The following GLP1R variants were observed in gnomAD, a reference collection of about 807,000 sequenced individuals.
The protein encoded by GLP1R is glucagon like peptide 1 receptor.
GLP1R carries 32 observed loss-of-function variants against 68.4 expected under a neutral mutation model. The ratio of observed to expected loss-of-function variants is 0.47; its 90% CI spans 0.35 to 0.63. The LOEUF is 0.63. Ranked by LOEUF, GLP1R falls within the 20% of genes least tolerant of loss-of-function variation. GLP1R has a pLI of 0.00. For synonymous variants in GLP1R, 263 were observed against 244.4 expected (o/e 1.08, Z -0.71); for missense variants, 502 against 594.9 (o/e 0.84, Z 1.62).
At chr6:39,075,663 T>G (rs1014263138) in intron 7 of GLP1R, among the ~76,000 whole-genome samples, 1 of 152,164 alleles carries the variant, frequency 6.6e-6, no homozygotes, top group Admixed American at 6.5e-5. Flanking sequence ...CGGAGAGAGA[T>G]TCACAGGTTG....
Position 39,065,766 on chromosome 6 carries a change from G to A in GLP1R, c.339G>A (p.Lys113=), listed in dbSNP as rs1768487550. Reference sequence around the variant, plus strand: ...CAGCTGAAGGCCTCTGGCTGCAGAAGGACAACTCCAGCCTGCCCTGGAGGG... The same window carrying A: ...CAGCTGAAGGCCTCTGGCTGCAGAAAGACAACTCCAGCCTGCCCTGGAGGG... ...FCTAEGLWLQ[K]DNSSLPWRDL... Residue 113 remains lysine, a synonymous_variant, in exon 4 of 13, where the codon AAG becomes AAA. Transcript: ENST00000373256. 7 of 1,590,912 alleles carry A rather than the reference G, an allele frequency of 4.4e-6. No individual in the cohort carries two copies. Among genetic ancestry groups the A allele is most frequent in the South Asian group, 2.3e-5 (2 of 87,062 alleles).
chr6:39,083,960 C>G (rs534029338), intron 12 of GLP1R, among the ~76,000 whole-genome samples: 37 of 152,324 alleles, frequency 2.4e-4, no homozygotes, highest in Non-Finnish European at 4.9e-4. Flanking sequence ...AACACATGTA[C>G]TGAGCACCTG....
At chr6:39,064,281 AG>A (rs1444166744) in intron 3 of GLP1R, among the ~76,000 whole-genome samples, 1 of 152,146 alleles carries the variant, frequency 6.6e-6, no homozygotes, top group Non-Finnish European at 1.5e-5. Context: ...CTAGGATTAC[AG>A]GCATGAGCCA....
chr6:39,067,720 A>G (rs780080217), intron 5 of GLP1R, among the ~76,000 whole-genome samples: 1 of 152,196 alleles, frequency 6.6e-6, no homozygotes, highest in Non-Finnish European at 1.5e-5. Context: ...TTTAATCCCA[A>G]TGGCTCCAAA....
intron 3 of GLP1R, among the ~76,000 whole-genome samples, chr6:39,059,458 C>A (rs1288340697): frequency 6.6e-6 from 1 of 152,162 alleles, no homozygotes; most frequent in Non-Finnish European, 1.5e-5. Flanking sequence ...ATGCCCTCTG[C>A]TGTCTGGGCA....
At position 39,091,233 on chromosome 6, in the gene GLP1R, A is replaced by G. The variant is rs186754865; in HGVS notation, c.*5160A>G. Among the ~76,000 whole-genome samples the G allele has an allele frequency of 9.2e-5, 14 of 152,352 alleles. No homozygotes were observed. In the East Asian group the frequency reaches 2.3e-3, roughly 25 times the overall value. ...ATGTGTAGGTCATATAATTCCTTGT[A>G]CAGATGTGAATGGATGCAGACTCTT... On this transcript the variant is annotated 3_prime_UTR_variant, in exon 13 of 13. Transcript: ENST00000373256.
chr6:39,084,582 G>A (rs965929788), intron 12 of GLP1R, among the ~76,000 whole-genome samples: 3 of 152,192 alleles, frequency 2.0e-5, no homozygotes, highest in Non-Finnish European at 4.4e-5. Context: ...CATCCCAGCT[G>A]TCAGCATGCG....
chr6:39,061,740 T>C (rs1422687552), intron 3 of GLP1R, among the ~76,000 whole-genome samples: 3 of 152,172 alleles, frequency 2.0e-5, no homozygotes, highest in African/African-American at 7.2e-5. Context: ...ATGCTTCCCA[T>C]TTTACAGATA....
At chr6:39,067,560 A>G (rs1286564772) in intron 5 of GLP1R, among the ~76,000 whole-genome samples, 7 of 152,176 alleles carry the variant, frequency 4.6e-5, no homozygotes, top group Non-Finnish European at 7.4e-5. Flanking sequence ...GCCTTCATCA[A>G]CCTTATCACC....
In GLP1R at chr6:39,090,853, C is replaced by T. The variant is rs910020449; in HGVS notation, c.*4780C>T. On this transcript the variant is annotated 3_prime_UTR_variant, in exon 13 of 13. Transcript: ENST00000373256. ...GTTGAGTTCTTTGCAGGGGAGCCAA[C>T]GGGGGCATTGAGGGAAGGGCAAAAT... Among the ~76,000 whole-genome samples, 2 of 152,108 alleles carry T rather than the reference C, an allele frequency of 1.3e-5. No homozygotes were observed. Among genetic ancestry groups the T allele is most frequent in the South Asian group, 2.1e-4 (1 of 4,818 alleles).
rs1768980738 is a variant in GLP1R, at chr6:39,080,639, C to A, written c.1183-59C>A. 6.6e-6 allele frequency: 8 copies of A among 1,214,070 alleles called. No individual in the cohort carries two copies. In the South Asian group the frequency reaches 8.1e-5, roughly 12 times the overall value. The allele number at this position is 1,214,070 out of a possible 1,614,324, so 75.2% of individuals were successfully genotyped here. A position where few individuals can be genotyped will look rare whatever the true frequency, so the allele number is the denominator to read the frequency against. On this transcript the variant is annotated intron_variant, in intron 11 of 12. Transcript: ENST00000373256. ...AGTCCCAAAGTGCTTCCGACCAGGG[C>A]CAGTCTGCAGGGCACCTCCCTCCTG...
rs1254070574 is a variant in GLP1R, at chr6:39,058,665, T to TCATCAC, written c.283+1098_283+1103dup. On this transcript the variant is annotated intron_variant, in intron 3 of 12. Transcript: ENST00000373256. ...CCTATCATCATCATCATCATCATCA[T>TCATCAC]CATCACCATCACCATCATCATCGTC... is the stretch of plus-strand genomic sequence containing the variant. Among the ~76,000 whole-genome samples the TCATCAC allele has an allele frequency of 1.2e-4, 18 of 151,976 alleles. No homozygotes were observed. In the East Asian group the frequency reaches 2.1e-3, roughly 18 times the overall value.
At chr6:39,083,378 G>A (rs1769059766) in intron 12 of GLP1R, among the ~76,000 whole-genome samples, 1 of 152,240 alleles carries the variant, frequency 6.6e-6, no homozygotes, top group African/African-American at 2.4e-5. Flanking sequence ...CACAAGAGCT[G>A]TTCTGCAGAC....
At chr6:39,065,618 T>C in intron 3 of GLP1R, 93 bp from the exon 4 acceptor site, 1 of 712,316 alleles carries the variant, frequency 1.4e-6, no homozygotes, top group Non-Finnish European at 2.4e-6. Context: ...GGAGCAGGGA[T>C]AGCCCTCAGA....
rs1469633752 is a variant in GLP1R, at chr6:39,088,905, A to T, written c.*2832A>T. Among the ~76,000 whole-genome samples the T allele has an allele frequency of 6.6e-6, 1 of 152,142 alleles. No individual in the cohort carries two copies. The highest frequency in any genetic ancestry group is 2.4e-5 in the African/African-American group (1 of 41,436). ...GGCTTGCCCAAGGTCACAACACTAG[A>T]GGGTGGTTGAGCTGGGCCAGGACCC... On this transcript the variant is annotated 3_prime_UTR_variant, in exon 13 of 13. Coordinates refer to ENST00000373256, the MANE Select transcript of GLP1R (RefSeq NM_002062.5).
In GLP1R at chr6:39,078,356, T is replaced by A. The variant is rs1768890473; in HGVS notation, c.858T>A (p.Ile286=). The A allele has an allele frequency of 6.2e-7, 1 of 1,612,988 alleles. No individual in the cohort carries two copies. The highest frequency in any genetic ancestry group is 1.3e-5 in the African/African-American group (1 of 75,006). Residue 286 remains isoleucine, a synonymous_variant, in exon 8 of 13, where the codon ATT becomes ATA. Coordinates refer to ENST00000373256, the MANE Select transcript of GLP1R (RefSeq NM_002062.5). Reference sequence around the variant, plus strand: ...TGCTGTTTGTTGTCCCCTGGGGCATTGTCAAGTACCTCTATGAGGACGAGG... The same window carrying A: ...TGCTGTTTGTTGTCCCCTGGGGCATAGTCAAGTACCTCTATGAGGACGAGG... ...VPLLFVVPWG[I]VKYLYEDEGC...
chr6:39,062,971 G>T (rs1768387203), intron 3 of GLP1R, among the ~76,000 whole-genome samples: 1 of 152,232 alleles, frequency 6.6e-6, no homozygotes, highest in African/African-American at 2.4e-5. Context: ...TGTTGTGAAG[G>T]AATCTGCAAC....
intron 7 of GLP1R, among the ~76,000 whole-genome samples, chr6:39,076,372 G>A (rs1354429228): frequency 6.6e-6 from 1 of 152,120 alleles, no homozygotes; most frequent in Non-Finnish European, 1.5e-5. Flanking sequence ...TCTCATAAAG[G>A]CCTGTTACTA....
At chr6:39,083,213 A>G (rs1769054990) in intron 12 of GLP1R, among the ~76,000 whole-genome samples, 2 of 152,190 alleles carry the variant, frequency 1.3e-5, no homozygotes, top group Admixed American at 1.3e-4. Flanking sequence ...CTGCTCAGAG[A>G]ACGGGAGAAC....
Sources: allele counts gnomAD v4.1 joint callset (sites outside exome capture counted in the v4.1 genomes callset), GRCh38; gene constraint gnomAD v4.1.1; transcripts MANE v1.5; gene names NCBI Gene and HGNC (gene_info 2026-07-23, HGNC 2026-07-21).